The following ALDH16A1 variants were observed in gnomAD, a reference collection of about 807,000 sequenced individuals.
ALDH16A1 encodes aldehyde dehydrogenase family 16 member A1.
ALDH16A1 carries 88 observed loss-of-function variants against 96.1 expected under a neutral mutation model. That is an observed-to-expected ratio of 0.92 (90% confidence interval 0.77 to 1.09). The LOEUF (loss-of-function observed/expected upper bound fraction) is 1.09. Among genes scored for constraint, ALDH16A1 ranks in the 50% least tolerant of loss-of-function variants. The pLI is 0.00. For missense variants in ALDH16A1, 1,250 were observed against 1,112.6 expected (o/e 1.12, Z -1.76); for synonymous variants, 522 against 496.4 (o/e 1.05, Z -0.69).
chr19:49,459,060 C>T lies in ALDH16A1; in HGVS notation c.294C>T (p.Gly98=), dbSNP rs2079122294. The T allele has an allele frequency of 1.2e-6, 2 of 1,613,060 alleles. No homozygotes were observed. The highest frequency in any genetic ancestry group is 1.7e-6 in the Non-Finnish European group (2 of 1,179,950). ...MAFKGWSAHP[G]VVRAQHLTRL... ...TTAAGGGCTGGAGTGCGCACCCCGG[C>T]GTCGTCCGGGCCCAGCACCTGACCA... is the stretch of plus-strand genomic sequence containing the variant. Residue 98 remains glycine, a synonymous_variant, in exon 3 of 17, where the codon GGC becomes GGT. Transcript: ENST00000293350. The surrounding 1 kb of genome is among the most constrained non-coding windows in gnomAD (Gnocchi z 4.1).
chr19:49,465,742 G>T lies in ALDH16A1; in HGVS notation c.1573G>T (p.Ala525Ser). 1.2e-6 allele frequency: 2 copies of T among 1,612,752 alleles called. No individual in the cohort carries two copies. Among genetic ancestry groups the T allele is most frequent in the Non-Finnish European group, 1.7e-6 (2 of 1,179,114 alleles). The change falls in exon 13 of 17, where the codon GCA (alanine) becomes TCA (serine). Residue 525 changes from alanine to serine, a missense_variant. Transcript: ENST00000293350. ...TCATGTCCCACCCTACTCCAGCCCA[G>T]CACCCCCCTATGGGCTCTTCGTTGG... ...PAGPEIGPSP[A>S]PPYGLFVGGR...
chr19:49,454,982 GTGGTGTTTGCCTGT>G (rs1230696581), intron 1 of ALDH16A1, among the ~76,000 whole-genome samples: 1 of 151,366 alleles, frequency 6.6e-6, no homozygotes, highest in African/African-American at 2.4e-5. Context: ...CCTGAGCGTG[GTGGTGTTTGCCTGT>G]AATCCTAGCT....
chr19:49,455,177 G>A (rs1223374789), intron 1 of ALDH16A1, among the ~76,000 whole-genome samples: 1 of 150,782 alleles, frequency 6.6e-6, no homozygotes, highest in Non-Finnish European at 1.5e-5. Flanking sequence ...CAGCGCTTTG[G>A]GAGGCCGAGG....
chr19:49,462,762 CAG>C lies in ALDH16A1; in HGVS notation c.1098+8_1098+9del. 1 of 1,564,934 alleles carries C rather than the reference CAG, an allele frequency of 6.4e-7. No homozygotes were observed. Among genetic ancestry groups the C allele is most frequent in the South Asian group, 1.2e-5 (1 of 86,010 alleles). Reference sequence around the variant, plus strand: ...CCAGAGCCAGGGTGCACAGGTGAGGCAGGGGGTAGAGACTTGAGGGTGTCAGG... The same window carrying C: ...CCAGAGCCAGGGTGCACAGGTGAGGCGGGGTAGAGACTTGAGGGTGTCAGG... On this transcript the variant is annotated splice_region_variant and intron_variant, in intron 8 of 16. Transcript: ENST00000293350.
intron 1 of ALDH16A1, among the ~76,000 whole-genome samples, chr19:49,456,879 G>T (rs765014282): frequency 3.3e-5 from 5 of 152,060 alleles, no homozygotes; most frequent in African/African-American, 1.2e-4. Context: ...AGGCCGAGGC[G>T]AGTGGATCAC....
At position 49,468,506 on chromosome 19, in the gene ALDH16A1, C is replaced by T. The variant is rs778357985; in HGVS notation, c.2064C>T (p.Gly688=). 1 of 1,604,226 alleles carries T rather than the reference C, an allele frequency of 6.2e-7. No homozygotes were observed. The highest frequency in any genetic ancestry group is 2.2e-5 in the East Asian group (1 of 44,862). Residue 688 remains glycine, a synonymous_variant, in exon 15 of 17, where the codon GGC becomes GGT. Coordinates refer to ENST00000293350, the MANE Select transcript of ALDH16A1 (RefSeq NM_153329.4). This position sits in a 1 kb window ranked among gnomAD's most constrained non-coding sequence, Gnocchi z 4.4. ...VSLLAPALAY[G]NTVVMVPSAA... ...TGCTGGCTCCCGCCCTGGCCTACGGCAACACTGTGGTCATGGTGCCCAGTG... is the reference window on the plus strand; with the variant it reads ...TGCTGGCTCCCGCCCTGGCCTACGGTAACACTGTGGTCATGGTGCCCAGTG...
In ALDH16A1 at chr19:49,459,588, A is replaced by G; in HGVS notation, c.321-82A>G. 6.8e-7 allele frequency: 1 copy of G among 1,463,982 alleles called. No individual in the cohort carries two copies. The highest frequency in any genetic ancestry group is 2.4e-5 in the East Asian group (1 of 41,736). 90.7% of individuals were successfully genotyped at this position (1,463,982 alleles called of 1,614,324 possible). On this transcript the variant is annotated intron_variant, in intron 3 of 16. Coordinates refer to ENST00000293350, the MANE Select transcript of ALDH16A1 (RefSeq NM_153329.4). This position sits in a 1 kb window ranked among gnomAD's most constrained non-coding sequence, Gnocchi z 4.1. ...TGCCTCAGGGGCTCATGGGGATTGTAGTCCAGGTATATAGGAGCAGCCCAG... is the reference window on the plus strand; with the variant it reads ...TGCCTCAGGGGCTCATGGGGATTGTGGTCCAGGTATATAGGAGCAGCCCAG...
chr19:49,461,580 C>CCTGGACTCCTGGGCCTTTGAG lies in ALDH16A1; in HGVS notation c.578-35_578-15dup, dbSNP rs771160121. The CCTGGACTCCTGGGCCTTTGAG allele has an allele frequency of 2.1e-6, 3 of 1,439,996 alleles. No individual in the cohort carries two copies. In the Admixed American group the frequency reaches 7.9e-5, roughly 38 times the overall value. The allele number at this position is 1,439,996 out of a possible 1,614,324, so 89.2% of individuals were successfully genotyped here. A position where few individuals can be genotyped will look rare whatever the true frequency, so the allele number is the denominator to read the frequency against. ...TGGGTCTGAGGGAGGAGGGGCTGGG[C>CCTGGACTCCTGGGCCTTTGAG]CTGGACTCCTGGGCCTTTGAGCTGC... On this transcript the variant is annotated intron_variant, in intron 5 of 16. Coordinates refer to ENST00000293350, the MANE Select transcript of ALDH16A1 (RefSeq NM_153329.4).
intron 1 of ALDH16A1, among the ~76,000 whole-genome samples, chr19:49,454,822 A>G (rs2079095163): frequency 6.6e-6 from 1 of 152,154 alleles, no homozygotes. Context: ...GTCTCTACTA[A>G]AATACAAAAC....
In ALDH16A1 at chr19:49,459,592, CAGGTATAT is replaced by C; in HGVS notation, c.321-74_321-67del. On this transcript the variant is annotated intron_variant, in intron 3 of 16. Coordinates refer to ENST00000293350, the MANE Select transcript of ALDH16A1 (RefSeq NM_153329.4). The surrounding 1 kb of genome is among the most constrained non-coding windows in gnomAD (Gnocchi z 4.1). ...TCAGGGGCTCATGGGGATTGTAGTC[CAGGTATAT>C]AGGAGCAGCCCAGGACTCTGCAAGG... The C allele has an allele frequency of 3.4e-6, 5 of 1,478,100 alleles. 1 individual carries two copies. The South Asian group carries it at 7.0e-5, about 21-fold the overall frequency. The allele number at this position is 1,478,100 out of a possible 1,614,324, so 91.6% of individuals were successfully genotyped here. A position where few individuals can be genotyped will look rare whatever the true frequency, so the allele number is the denominator to read the frequency against.
At chr19:49,457,588 A>T (rs1346760016) in intron 1 of ALDH16A1, among the ~76,000 whole-genome samples, 5 of 149,226 alleles carry the variant, frequency 3.4e-5, no homozygotes, top group Admixed American at 3.3e-4. Context: ...TATGGAGGAG[A>T]TGTGGTGAGT....
intron 1 of ALDH16A1, among the ~76,000 whole-genome samples, chr19:49,454,622 G>A (rs2079093940): frequency 6.6e-6 from 1 of 152,172 alleles, no homozygotes; most frequent in Admixed American, 6.5e-5. Flanking sequence ...TGATCCCCCA[G>A]GGTCCCCCAG....
rs377051527 is a variant in ALDH16A1 at position 49,461,946 on chromosome 19, G to A, written c.822G>A (p.Gly274=). ...GECAELGLAL[G]TESLLLLTDT... ...GTGCGGAGCTGGGCCTGGCGCTGGG[G>A]ACGGAGTCGCTGCTGCTGCTGACGG... The change falls in exon 7 of 17, where the codon GGG becomes GGA. Residue 274 remains glycine, a synonymous_variant. Coordinates refer to ENST00000293350, the MANE Select transcript of ALDH16A1 (RefSeq NM_153329.4). 1.3e-6 allele frequency: 2 copies of A among 1,571,276 alleles called. No homozygotes were observed. Among genetic ancestry groups the A allele is most frequent in the Non-Finnish European group, 1.7e-6 (2 of 1,160,624 alleles).
At chr19:49,460,421 T>TG (rs922540220) in intron 4 of ALDH16A1, among the ~76,000 whole-genome samples, 8 of 150,806 alleles carry the variant, frequency 5.3e-5, no homozygotes, top group African/African-American at 1.5e-4. Context: ...TTTTTGTTTT[T>TG]TTTTTTTTTG....
At chr19:49,467,400 T>C (rs1359262363) in intron 14 of ALDH16A1, among the ~76,000 whole-genome samples, 3 of 149,998 alleles carry the variant, frequency 2.0e-5, no homozygotes, top group Middle Eastern at 3.2e-3. Context: ...TTCTTTCTTT[T>C]TTTTTTTTTT....
intron 14 of ALDH16A1, among the ~76,000 whole-genome samples, chr19:49,467,348 G>T (rs1458437812): frequency 1.3e-5 from 2 of 150,872 alleles, no homozygotes; most frequent in Non-Finnish European, 3.0e-5. Context: ...ATGAGATTTG[G>T]GTGGGACATC....
intron 12 of ALDH16A1, among the ~76,000 whole-genome samples, chr19:49,465,261 G>A (rs1168693974): frequency 1.3e-5 from 2 of 150,928 alleles, no homozygotes; most frequent in East Asian, 3.9e-4. Context: ...CAGAAGCTTT[G>A]GGTCCTCCGG....
chr19:49,463,005 AGGG>A (rs2079165579), intron 8 of ALDH16A1, among the ~76,000 whole-genome samples: 1 of 63,418 alleles, frequency 1.6e-5, no homozygotes, highest in Non-Finnish European at 2.9e-5. Flanking sequence ...CCTGGGTCTG[AGGG>A]AGGAGGGGCT....
intron 1 of ALDH16A1, among the ~76,000 whole-genome samples, chr19:49,458,245 A>G (rs564934533): frequency 7.2e-5 from 11 of 152,248 alleles, no homozygotes; most frequent in Admixed American, 4.6e-4. Context: ...AAAATGTTCT[A>G]GAACTAGAGT....
Sources: gnomAD v4.1 joint callset for allele counts (sites outside exome capture counted in the v4.1 genomes callset) on GRCh38, gnomAD v4.1.1 for gene constraint, Gnocchi (gnomAD v3.1) non-coding constraint, MANE v1.5 for transcripts, NCBI Gene and HGNC (gene_info 2026-07-23, HGNC 2026-07-21) for gene names.